PTPN3: variants seen among roughly 807,000 people sequenced by gnomAD.
PTPN3 encodes the protein protein tyrosine phosphatase non-receptor type 3.
PTPN3 carries 96 observed loss-of-function variants against 132.7 expected under a neutral mutation model. The observed-to-expected ratio is 0.72, with a 90% CI of 0.61 to 0.86. The LOEUF is 0.86. PTPN3 is among the 40% of genes least tolerant of loss of function. The probability of loss-of-function intolerance (pLI) is 0.00; values close to 1 mark genes in which losing one functional copy is unlikely to be tolerated. For synonymous variants in PTPN3, 398 were observed against 429.0 expected, an observed-to-expected ratio of 0.93 and a Z score of 0.89; for missense variants, 1,125 against 1,159.6, an observed-to-expected ratio of 0.97 and a Z score of 0.43.
intron 18 of PTPN3, among the ~76,000 whole-genome samples, chr9:109,406,053 C>T (rs1476544715): frequency 1.3e-5 from 2 of 152,228 alleles, no homozygotes; most frequent in Non-Finnish European, 2.9e-5. Context: ...CCCTGCTCTC[C>T]TCACTGCCTC....
chr9:109,451,034 C>A (rs28685826), intron 5 of PTPN3: 9 of 941,958 alleles, frequency 9.6e-6, no homozygotes, highest in East Asian at 1.2e-4. Context: ...TTTTATTTTT[C>A]ATTTTTTTAA....
chr9:109,445,854 C>T (rs1417216954), intron 6 of PTPN3, among the ~76,000 whole-genome samples: 2 of 152,180 alleles, frequency 1.3e-5, no homozygotes, highest in African/African-American at 4.8e-5. Flanking sequence ...ATTCCTTTAT[C>T]TATTTGCCCT....
chr9:109,460,557 C>T (rs562526251), intron 2 of PTPN3, among the ~76,000 whole-genome samples: 1 of 152,234 alleles, frequency 6.6e-6, no homozygotes, highest in African/African-American at 2.4e-5. Context: ...CCACTCCAGA[C>T]TCCACTGTGT....
At chr9:109,534,394 G>A in the PTPN3 span, 5 of 1,455,028 alleles carry the variant, frequency 3.4e-6, no homozygotes, top group South Asian at 5.6e-5. Flanking sequence ...GGGTGTGATG[G>A]TAGCTAGGCC....
At chr9:109,429,116 G>A (rs951629796) in intron 10 of PTPN3, 1 of 939,378 alleles carries the variant, frequency 1.1e-6, no homozygotes, top group African/African-American at 1.8e-5. Flanking sequence ...ACATTTGCAA[G>A]ATAACAGAAT....
intron 14 of PTPN3, chr9:109,417,642 C>A (rs1416767907): frequency 1.0e-6 from 1 of 984,900 alleles, no homozygotes; most frequent in Non-Finnish European, 1.2e-6. Flanking sequence ...CTCTGAAGAC[C>A]CAGCACAAAG....
At chr9:109,480,532 T>A (rs1846908636) in intron 1 of PTPN3, among the ~76,000 whole-genome samples, 1 of 152,204 alleles carries the variant, frequency 6.6e-6, no homozygotes, top group Non-Finnish European at 1.5e-5. Context: ...AAAGCTTTAA[T>A]TTTCATGAAG....
chr9:109,390,033 G>A (rs1431287507), intron 21 of PTPN3, among the ~76,000 whole-genome samples: 2 of 152,234 alleles, frequency 1.3e-5, no homozygotes, highest in African/African-American at 2.4e-5. Context: ...ACTCTCAGGT[G>A]AGCAAGGTAA....
chr9:109,481,776 C>G (rs2132102694), intron 1 of PTPN3, among the ~76,000 whole-genome samples: 1 of 152,338 alleles, frequency 6.6e-6, no homozygotes, highest in South Asian at 2.1e-4. Flanking sequence ...TTGGGAACCC[C>G]ATACTCAGTG....
At chr9:109,508,451 C>T in the PTPN3 span, among the ~76,000 whole-genome samples, 2 of 152,178 alleles carry the variant, frequency 1.3e-5, no homozygotes, top group African/African-American at 2.4e-5. Flanking sequence ...TGAGCCACCG[C>T]GCCTGGCCTG....
At position 109,457,411 on chromosome 9, in the gene PTPN3, G is replaced by T; in HGVS notation, c.139-12C>A. 2 of 1,592,938 alleles carry T rather than the reference G, an allele frequency of 1.3e-6. No homozygotes were observed. Among genetic ancestry groups the T allele is most frequent in the Admixed American group, 1.8e-5 (1 of 56,490 alleles). Reference sequence around the variant, plus strand: ...CCAGTGTCTTGTTTCTAGAACAAAGGAAATTATCAAGTGGGAAAAGTCTTA... The same window carrying T: ...CCAGTGTCTTGTTTCTAGAACAAAGTAAATTATCAAGTGGGAAAAGTCTTA... On this transcript the variant is annotated splice_polypyrimidine_tract_variant and intron_variant, in intron 2 of 25. Coordinates refer to ENST00000374541, the MANE Select transcript of PTPN3 (RefSeq NM_002829.4).
the PTPN3 span, among the ~76,000 whole-genome samples, chr9:109,521,438 G>A: frequency 6.6e-6 from 1 of 152,172 alleles, no homozygotes; most frequent in Non-Finnish European, 1.5e-5. Flanking sequence ...AGGATTACAG[G>A]CATGAGCCAC....
At chr9:109,531,525 G>A in the PTPN3 span, among the ~76,000 whole-genome samples, 1 of 152,184 alleles carries the variant, frequency 6.6e-6, no homozygotes, top group African/African-American at 2.4e-5. Context: ...TAGCTGGGGG[G>A]TCTTGGGCAA....
intron 5 of PTPN3, among the ~76,000 whole-genome samples, chr9:109,453,845 T>TAA (rs11353536): frequency 7.4e-6 from 1 of 135,686 alleles, no homozygotes; most frequent in Non-Finnish European, 1.6e-5. Flanking sequence ...CCATCTCCGT[T>TAA]AAAAAAAAAA....
At chr9:109,519,191 G>A in the PTPN3 span, among the ~76,000 whole-genome samples, 1 of 152,210 alleles carries the variant, frequency 6.6e-6, no homozygotes, top group Non-Finnish European at 1.5e-5. Context: ...TCCTGCAACA[G>A]AAGAAGTAGT....
the PTPN3 span, among the ~76,000 whole-genome samples, chr9:109,524,252 A>C: frequency 2.8e-4 from 43 of 152,154 alleles, no homozygotes; most frequent in Non-Finnish European, 3.8e-4. Flanking sequence ...TCAAAAAAAA[A>C]CCAGCAGACA....
chr9:109,380,268 G>C lies in PTPN3; in HGVS notation c.2665-635C>G, dbSNP rs904571285. 5.2e-5 allele frequency among the ~76,000 whole-genome samples: 6 copies of C among 115,956 alleles called. No homozygotes were observed. The East Asian group carries it at 1.6e-3, about 32-fold the overall frequency. The allele number at this position is 115,956 out of a possible 152,430, so 76.1% of individuals were successfully genotyped here. On this transcript the variant is annotated intron_variant, in intron 25 of 25. Transcript: ENST00000374541. The stretch of plus-strand genomic sequence containing the variant: ...ATCTATCTATCTATCTATCTATCTA[G>C]TTTTCAAGACAGAGTCCTGTTCTGT...
intron 19 of PTPN3, among the ~76,000 whole-genome samples, chr9:109,401,729 G>A (rs1187487307): frequency 6.6e-6 from 1 of 152,150 alleles, no homozygotes; most frequent in Non-Finnish European, 1.5e-5. Context: ...TCTGCACTGC[G>A]CTGTCCACCC....
At chr9:109,510,672 AT>A in the PTPN3 span, among the ~76,000 whole-genome samples, 2 of 147,576 alleles carry the variant, frequency 1.4e-5, no homozygotes, top group Non-Finnish European at 3.0e-5. Context: ...ACTCAAAATT[AT>A]TTTACGAGGA....
Sources: allele counts gnomAD v4.1 joint callset (sites outside exome capture counted in the v4.1 genomes callset), GRCh38; gene constraint gnomAD v4.1.1; transcripts MANE v1.5; gene names NCBI Gene and HGNC (gene_info 2026-07-23, HGNC 2026-07-21).